The following C3orf22 variants were observed in gnomAD, a reference collection of about 807,000 sequenced individuals.
C3orf22 encodes the protein uncharacterized protein C3orf22.
C3orf22 carries 7 observed loss-of-function variants against 10.8 expected under a neutral mutation model. That is an observed-to-expected ratio of 0.65 (90% CI 0.37 to 1.22). C3orf22 has a LOEUF of 1.22. Ranked by LOEUF, C3orf22 falls within the 50% of genes most tolerant of loss-of-function variation. The pLI is 0.02. For missense variants in C3orf22, 173 were observed against 177.0 expected (o/e 0.98, Z 0.13); for synonymous variants, 79 against 78.9 (o/e 1.00, Z 0.00).
At chr3:126,529,193 T>G (rs1316353353) in exon 5 of C3orf22, 1 of 728,364 alleles carries the variant, frequency 1.4e-6, no homozygotes, top group Admixed American at 2.3e-5. Flanking sequence ...ATGGTCGTGC[T>G]TCTGCTGTAG....
chr3:126,542,727 T>A, intron 4 of C3orf22: 1 of 1,221,342 alleles, frequency 8.2e-7, no homozygotes, highest in South Asian at 2.1e-5. Context: ...AGGGCACACC[T>A]GGCCAGGCTT....
chr3:126,558,305 C>T (rs1444147551), intron 1 of C3orf22, among the ~76,000 whole-genome samples: 1 of 152,192 alleles, frequency 6.6e-6, no homozygotes, highest in Non-Finnish European at 1.5e-5. Context: ...GTGGCCTGTG[C>T]TCCTCCTGCT....
chr3:126,542,786 C>T (rs1937000094), intron 4 of C3orf22: 2 of 627,768 alleles, frequency 3.2e-6, no homozygotes, highest in South Asian at 8.8e-5. Context: ...CTGCCTCGGC[C>T]TGTCGCCTGA....
downstream of C3orf22, among the ~76,000 whole-genome samples, chr3:126,548,151 T>C (rs1937099094): frequency 6.6e-6 from 1 of 152,230 alleles, no homozygotes; most frequent in Non-Finnish European, 1.5e-5. Context: ...TATGCCACCA[T>C]GCCCAGCTAA....
downstream of C3orf22, among the ~76,000 whole-genome samples, chr3:126,548,380 G>T (rs1008508667): frequency 6.6e-6 from 1 of 152,226 alleles, no homozygotes; most frequent in East Asian, 1.9e-4. Context: ...GTGAAGTGGG[G>T]GAAGGAGCAC....
intron 5 of C3orf22, among the ~76,000 whole-genome samples, chr3:126,528,978 G>T (rs910064339): frequency 6.6e-6 from 1 of 152,234 alleles, no homozygotes; most frequent in Non-Finnish European, 1.5e-5. Flanking sequence ...CCTGCTGGCA[G>T]GAGCTTGCTG....
intron 1 of C3orf22, among the ~76,000 whole-genome samples, chr3:126,555,950 A>T (rs1937318796): frequency 6.6e-6 from 1 of 152,056 alleles, no homozygotes; most frequent in African/African-American, 2.4e-5. Flanking sequence ...GCCTCCTCCC[A>T]CATCTGGTGG....
chr3:126,550,547 A>G (rs1937158483), intron 3 of C3orf22, among the ~76,000 whole-genome samples: 1 of 152,178 alleles, frequency 6.6e-6, no homozygotes, highest in East Asian at 1.9e-4. Context: ...TGCCACCCAC[A>G]GGCTTGACTG....
chr3:126,543,776 G>T (rs1441124098), intron 4 of C3orf22, among the ~76,000 whole-genome samples: 1 of 152,218 alleles, frequency 6.6e-6, no homozygotes. Context: ...ATGTGTGAGT[G>T]TGGGTGTGTC....
At chr3:126,545,132 G>C (rs1937045425), downstream of C3orf22, among the ~76,000 whole-genome samples, 2 of 152,258 alleles carry the variant, frequency 1.3e-5, no homozygotes, top group Admixed American at 1.3e-4. Context: ...GACAACACAG[G>C]GGGGTGCCCA....
At position 126,552,384 on chromosome 3, in the gene C3orf22, C is replaced by T. The variant is rs531189404; in HGVS notation, c.90-262G>A. 2.2e-4 allele frequency among the ~76,000 whole-genome samples: 34 copies of T among 152,336 alleles called. No homozygotes were observed. In the South Asian group the frequency reaches 6.4e-3, roughly 29 times the overall value. On this transcript the variant is annotated intron_variant, in intron 2 of 3. Coordinates refer to ENST00000318225, the MANE Select transcript of C3orf22 (RefSeq NM_152533.3). Reference sequence around the variant, plus strand: ...CAGAGCCTTGTCATGGCCACAGCAGCCAAACGGTGCAGAGCACTTGAGCCC... The same window carrying T: ...CAGAGCCTTGTCATGGCCACAGCAGTCAAACGGTGCAGAGCACTTGAGCCC...
intron 3 of C3orf22, among the ~76,000 whole-genome samples, chr3:126,551,432 A>G (rs1937184771): frequency 6.6e-6 from 1 of 152,118 alleles, no homozygotes; most frequent in Admixed American, 6.5e-5. Flanking sequence ...CTTTCTCCAC[A>G]TCTGTTTAGG....
rs762780763 is a variant in C3orf22, at chr3:126,541,948, C to T, written c.286+7589G>A. On this transcript the variant is annotated intron_variant and NMD_transcript_variant, in intron 4 of 5. Coordinates refer to the C3orf22 transcript ENST00000505070. ...TGCTGGCGCTGAGCGGCCAAGCCCG[C>T]GGCGACCCGCGCGCCATCTCCGCGC... The T allele has an allele frequency of 4.7e-5, 74 of 1,587,034 alleles. No individual in the cohort carries two copies. The Admixed American group carries it at 1.2e-3, about 25-fold the overall frequency.
intron 3 of C3orf22, 29 bp from the exon 4 acceptor site, chr3:126,550,107 G>T: frequency 6.2e-7 from 1 of 1,611,716 alleles, no homozygotes; most frequent in Non-Finnish European, 8.5e-7. Context: ...GCCACGCCTG[G>T]CCTTCAGGAC....
At chr3:126,549,479 G>T (rs1232830471), downstream of C3orf22, 2 of 494,914 alleles carry the variant, frequency 4.0e-6, no homozygotes, top group African/African-American at 2.0e-5. Flanking sequence ...AAACAGTTTA[G>T]CTGCTTTCCA....
At chr3:126,541,707 C>A in intron 4 of C3orf22, 1 of 1,429,192 alleles carries the variant, frequency 7.0e-7, no homozygotes, top group Admixed American at 2.7e-5. Context: ...GACGCGTCCC[C>A]CTGTCCCGTC....
downstream of C3orf22, among the ~76,000 whole-genome samples, chr3:126,547,323 C>T (rs781291323): frequency 6.6e-6 from 1 of 152,194 alleles, no homozygotes; most frequent in African/African-American, 2.4e-5. Context: ...AGCTGTCACC[C>T]GCTCCTCTGC....
downstream of C3orf22, among the ~76,000 whole-genome samples, chr3:126,546,086 G>A (rs1382897208): frequency 6.6e-6 from 1 of 152,204 alleles, no homozygotes; most frequent in East Asian, 1.9e-4. Flanking sequence ...TATTCCCAGT[G>A]GCAAGGGAGT....
chr3:126,549,891 C>T lies in C3orf22; in HGVS notation c.403G>A (p.Gly135Arg), dbSNP rs1157933178. Residue 135 changes from glycine (G) to arginine (R), a missense_variant, in exon 4 of 4, where the codon GGG becomes AGG. Physicochemically the swap from Gly to Arg is moderately radical, Grantham distance 125. Transcript: ENST00000318225. ...AACPQTSKAA[G>R]LSRGLS ...CTCTAGGAGAGGCCCCTGGACAGCC[C>T]TGCCGCCTTGCTGGTCTGGGGGCAG... 1 of 1,613,660 alleles carries T rather than the reference C, an allele frequency of 6.2e-7. No homozygotes were observed. Among genetic ancestry groups the T allele is most frequent in the South Asian group, 1.1e-5 (1 of 91,032 alleles).
Sources: allele counts gnomAD v4.1 joint callset (sites outside exome capture counted in the v4.1 genomes callset), GRCh38; gene constraint gnomAD v4.1.1; transcripts MANE v1.5; gene names NCBI Gene and HGNC (gene_info 2026-07-23, HGNC 2026-07-21).